The following KCNQ4 variants were observed in gnomAD, a reference collection of about 807,000 sequenced individuals.
KCNQ4 encodes potassium voltage-gated channel subfamily Q member 4.
KCNQ4 carries 31 observed loss-of-function variants against 72.6 expected under a neutral mutation model. The ratio of observed to expected loss-of-function variants is 0.43; its 90% CI spans 0.32 to 0.58. The LOEUF (loss-of-function observed/expected upper bound fraction) is 0.58. Among genes scored for constraint, KCNQ4 ranks in the 20% least tolerant of loss-of-function variants. The pLI, the probability that KCNQ4 is intolerant of heterozygous loss-of-function variation, is 0.08. For missense variants in KCNQ4, 869 were observed against 962.6 expected (o/e 0.90, Z 1.29); for synonymous variants, 405 against 403.7 (o/e 1.00, Z -0.04).
chr1:40,816,588 G>C (rs1240989757), intron 1 of KCNQ4, among the ~76,000 whole-genome samples: 1 of 152,068 alleles, frequency 6.6e-6, no homozygotes, highest in Non-Finnish European at 1.5e-5. Context: ...TATGTCTCTG[G>C]TTCTGGGCCA....
chr1:40,825,831 AC>A (rs1312753277), intron 9 of KCNQ4, among the ~76,000 whole-genome samples: 6 of 152,146 alleles, frequency 3.9e-5, no homozygotes, highest in Non-Finnish European at 8.8e-5. Context: ...AGGGGAATGG[AC>A]ATTAGCCTGG....
intron 10 of KCNQ4, among the ~76,000 whole-genome samples, chr1:40,831,795 C>A (rs1017376698): frequency 6.6e-6 from 1 of 152,190 alleles, no homozygotes; most frequent in African/African-American, 2.4e-5. Context: ...AGGAATGCAT[C>A]CTTGATGAGC....
intron 1 of KCNQ4, among the ~76,000 whole-genome samples, chr1:40,800,847 C>T (rs1256731628): frequency 6.6e-6 from 1 of 152,136 alleles, no homozygotes; most frequent in South Asian, 2.1e-4. Flanking sequence ...GGAATCCTAA[C>T]GAGGGGCTAA....
chr1:40,817,238 A>G lies in KCNQ4; in HGVS notation c.315-27A>G. On this transcript the variant is annotated intron_variant, in intron 1 of 13. Coordinates refer to ENST00000347132, the MANE Select transcript of KCNQ4 (RefSeq NM_004700.4). The surrounding 1 kb of genome is among the most constrained non-coding windows in gnomAD (Gnocchi z 5.5). Reference sequence around the variant, plus strand: ...GCTGTCCTGTCCCTCCAACAATCTAACCCTCTCCCTCATGTTGTAATTGCA... The same window carrying G: ...GCTGTCCTGTCCCTCCAACAATCTAGCCCTCTCCCTCATGTTGTAATTGCA... 3.9e-6 allele frequency: 6 copies of G among 1,553,242 alleles called. No individual in the cohort carries two copies. Among genetic ancestry groups the G allele is most frequent in the Non-Finnish European group, 5.3e-6 (6 of 1,125,610 alleles).
chr1:40,822,279 T>C, intron 7 of KCNQ4, 35 bp from the exon 8 acceptor site: 1 of 1,554,028 alleles, frequency 6.4e-7, no homozygotes. Context: ...GAGGCCTCAC[T>C]GATGCCCCAT....
intron 9 of KCNQ4, chr1:40,826,780 A>G (rs1313177033): frequency 7.2e-6 from 3 of 415,234 alleles, no homozygotes; most frequent in Admixed American, 5.1e-5. Context: ...TGGGCCAAGG[A>G]CAAGGTGCAT....
chr1:40,816,079 C>T (rs1275480685), intron 1 of KCNQ4, among the ~76,000 whole-genome samples: 4 of 152,100 alleles, frequency 2.6e-5, no homozygotes, highest in African/African-American at 4.8e-5. Context: ...TAGGCGTGGA[C>T]GATGAGCAGA....
rs765272519 is a variant in KCNQ4 at position 40,817,366 on chromosome 1, G to A, written c.405+11G>A. 1 of 1,610,196 alleles carries A rather than the reference G, an allele frequency of 6.2e-7. No homozygotes were observed. Among genetic ancestry groups the A allele is most frequent in the South Asian group, 1.1e-5 (1 of 90,620 alleles). ...TGTCTCCTCATCTTGGTAAGTGCTG[G>A]GAGTCCGGGACTGAGGGGGGCTGTG... On this transcript the variant is annotated intron_variant, in intron 2 of 13. Transcript: ENST00000347132. This position sits in a 1 kb window ranked among gnomAD's most constrained non-coding sequence, Gnocchi z 5.5.
At chr1:40,820,862 G>T (rs1476325507) in intron 7 of KCNQ4, among the ~76,000 whole-genome samples, 1 of 152,216 alleles carries the variant, frequency 6.6e-6, no homozygotes, top group African/African-American at 2.4e-5. Context: ...TGAGGCCAGG[G>T]CTCTGATTTT....
chr1:40,825,149 C>G (rs2148325038), intron 9 of KCNQ4, among the ~76,000 whole-genome samples: 1 of 152,276 alleles, frequency 6.6e-6, no homozygotes, highest in East Asian at 1.9e-4. Flanking sequence ...ATTCTTTTTC[C>G]CTCGTCCTTT....
chr1:40,801,013 C>T (rs1647558331), intron 1 of KCNQ4, among the ~76,000 whole-genome samples: 1 of 152,194 alleles, frequency 6.6e-6, no homozygotes, highest in Non-Finnish European at 1.5e-5. Context: ...CAGCCTCAAA[C>T]GCTGGTCTAA....
intron 12 of KCNQ4, 100 bp downstream of exon 12, chr1:40,835,198 C>T (rs1350873553): frequency 1.4e-5 from 20 of 1,444,722 alleles, no homozygotes; most frequent in Non-Finnish European, 1.9e-5. Flanking sequence ...CAAGGGCTCA[C>T]TGCTGCAGCT....
At chr1:40,832,968 G>A (rs769083715) in intron 10 of KCNQ4, 46 bp from the exon 11 acceptor site, 1 of 1,385,114 alleles carries the variant, frequency 7.2e-7, no homozygotes, top group Non-Finnish European at 1.0e-6. Flanking sequence ...GGGAGGTTGG[G>A]AGTGGCCCCT....
At chr1:40,827,800 TA>T (rs1648527664) in intron 9 of KCNQ4, among the ~76,000 whole-genome samples, 1 of 152,222 alleles carries the variant, frequency 6.6e-6, no homozygotes, top group East Asian at 1.9e-4. Context: ...TCCTCAGATG[TA>T]AAATGCAGAT....
In KCNQ4 at chr1:40,824,100, G is replaced by T; in HGVS notation, c.1134G>T (p.Glu378Asp). The change falls in exon 9 of 14, where the codon GAG becomes GAT. Residue 378 changes from glutamate (E) to aspartate (D), a missense_variant. Transcript: ENST00000347132. ...YYDSILPSFR[E>D]LALLFEHVQR... ...CTGATGGTGCCCTCTCCTGCAGAGA[G>T]CTGGCCCTCTTGTTTGAGCACGTGC... 11 of 1,552,184 alleles carry T rather than the reference G, an allele frequency of 7.1e-6. No homozygotes were observed. Among genetic ancestry groups the T allele is most frequent in the Non-Finnish European group, 9.6e-6 (11 of 1,148,212 alleles).
In KCNQ4 at chr1:40,819,385, C is replaced by G; in HGVS notation, c.747C>G (p.Leu249=). Residue 249 remains leucine (L), a synonymous_variant, in exon 5 of 14, where the codon CTC becomes CTG. Coordinates refer to ENST00000347132, the MANE Select transcript of KCNQ4 (RefSeq NM_004700.4). The part of the protein sequence containing the change: ...ITAWYIGFLV[L]IFASFLVYLA... The stretch of plus-strand genomic sequence containing the variant: ...CCTGGTACATCGGGTTCCTGGTGCT[C>G]ATCTTCGCCTCCTTCCTGGTCTACC... The G allele has an allele frequency of 6.2e-7, 1 of 1,613,926 alleles. No individual in the cohort carries two copies. The highest frequency in any genetic ancestry group is 8.5e-7 in the Non-Finnish European group (1 of 1,179,972).
intron 12 of KCNQ4, 36 bp from the exon 13 acceptor site, chr1:40,837,629 T>C (rs1178338831): frequency 6.3e-7 from 1 of 1,599,546 alleles, no homozygotes; most frequent in Non-Finnish European, 8.5e-7. Flanking sequence ...AGGGACGGCG[T>C]GTCCCCGGGC....
intron 1 of KCNQ4, among the ~76,000 whole-genome samples, chr1:40,799,172 G>C (rs1446712231): frequency 6.6e-6 from 1 of 152,236 alleles, no homozygotes; most frequent in Non-Finnish European, 1.5e-5. Flanking sequence ...TCCTGCTTCT[G>C]CTCCCCACCC....
chr1:40,822,426 T>TGG, intron 8 of KCNQ4, 24 bp downstream of exon 8: 2 of 152,586 alleles, frequency 1.3e-5, no homozygotes, highest in Non-Finnish European at 1.3e-5. Flanking sequence ...GGGGTGGGGG[T>TGG]GGGTGGGGGG....
Sources: gnomAD v4.1 joint callset for allele counts (sites outside exome capture counted in the v4.1 genomes callset) on GRCh38, gnomAD v4.1.1 for gene constraint, Gnocchi (gnomAD v3.1) non-coding constraint, MANE v1.5 for transcripts, NCBI Gene and HGNC (gene_info 2026-07-23, HGNC 2026-07-21) for gene names.